The following BIRC6 variants were observed in gnomAD, a reference collection of about 807,000 sequenced individuals.
The protein encoded by BIRC6 is baculoviral IAP repeat containing 6.
A neutral mutation model predicts 503.3 loss-of-function variants in BIRC6; 98 were observed. The observed-to-expected ratio is 0.19, with a 90% CI of 0.17 to 0.23. BIRC6 has a LOEUF of 0.23. BIRC6 is among the 10% of genes least tolerant of loss of function. BIRC6 has a pLI of 1.00. For missense variants in BIRC6, 5,360 were observed against 5,806.0 expected (o/e 0.92, Z 2.50); for synonymous variants, 2,240 against 2,078.7 (o/e 1.08, Z -2.11).
At chr2:32,453,683 A>G in intron 22 of BIRC6, 125 bp from the exon 23 acceptor site, 1 of 869,956 alleles carries the variant, frequency 1.1e-6, no homozygotes, top group Non-Finnish European at 1.8e-6. Context: ...TGATTCAAGC[A>G]CTGTGTAAGA....
Position 32,545,909 on chromosome 2 carries a change from T to C in BIRC6, c.12810+49T>C, listed in dbSNP as rs1453805793. Reference sequence around the variant, plus strand: ...AGTTATTAAAAAAACTAGATTTAATTAGGGAGTACAGAATAAAGTTTTTTT... The same window carrying C: ...AGTTATTAAAAAAACTAGATTTAATCAGGGAGTACAGAATAAAGTTTTTTT... On this transcript the variant is annotated intron_variant, in intron 63 of 73. Coordinates refer to ENST00000421745, the MANE Select transcript of BIRC6 (RefSeq NM_016252.4). 6 of 1,511,820 alleles carry C rather than the reference T, an allele frequency of 4.0e-6. No individual in the cohort carries two copies. In the African/African-American group the frequency reaches 6.9e-5, roughly 17 times the overall value. 93.7% of individuals were successfully genotyped at this position (1,511,820 alleles called of 1,614,324 possible).
At chr2:32,471,217 G>A in intron 32 of BIRC6, 93 bp downstream of exon 32, 1 of 1,488,402 alleles carries the variant, frequency 6.7e-7, no homozygotes, top group Non-Finnish European at 9.1e-7. Flanking sequence ...TTCCAGAACT[G>A]GCTATTGGCC....
intron 5 of BIRC6, among the ~76,000 whole-genome samples, chr2:32,393,610 T>G (rs1202335330): frequency 6.6e-6 from 1 of 152,194 alleles, no homozygotes; most frequent in Non-Finnish European, 1.5e-5. Context: ...CACTGCAGCC[T>G]CAGCTTCCAA....
intron 57 of BIRC6, among the ~76,000 whole-genome samples, chr2:32,520,216 C>G (rs2055501372): frequency 1.3e-5 from 2 of 152,132 alleles, no homozygotes; most frequent in South Asian, 4.1e-4. Context: ...GGAGTTGTTA[C>G]CACACATAGA....
At chr2:32,547,117 A>G (rs2058105483) in intron 63 of BIRC6, among the ~76,000 whole-genome samples, 1 of 152,234 alleles carries the variant, frequency 6.6e-6, no homozygotes, top group South Asian at 2.1e-4. Context: ...TTACAAGCCA[A>G]TTATAAAATG....
At chr2:32,466,444 G>T (rs2048552005) in intron 26 of BIRC6, among the ~76,000 whole-genome samples, 1 of 152,154 alleles carries the variant, frequency 6.6e-6, no homozygotes, top group Non-Finnish European at 1.5e-5. Context: ...TCCATTAGAG[G>T]ACCTTCCCAA....
intron 65 of BIRC6, among the ~76,000 whole-genome samples, chr2:32,570,623 C>T (rs115286646): frequency 2.0e-5 from 3 of 151,554 alleles, no homozygotes; most frequent in African/African-American, 7.3e-5. Flanking sequence ...CTCAGCACCC[C>T]CAAGTAGGTG....
In BIRC6 at chr2:32,481,019, A is replaced by G. The variant is rs146734610; in HGVS notation, c.7409-301A>G. Among the ~76,000 whole-genome samples, 840 of 152,246 alleles carry G rather than the reference A, an allele frequency of 5.5e-3. 12 individuals carry two copies. Among genetic ancestry groups the G allele is most frequent in the African/African-American group, 0.019 (789 of 41,536 alleles). The stretch of plus-strand genomic sequence containing the variant: ...GTAACATTACCTGTAATAATGAATT[A>G]CATGTTAGATGTAATAGAATGTATA... On this transcript the variant is annotated intron_variant, in intron 37 of 73. Coordinates refer to ENST00000421745, the MANE Select transcript of BIRC6 (RefSeq NM_016252.4).
At chr2:32,506,986 AC>A (rs1282462859) in intron 50 of BIRC6, among the ~76,000 whole-genome samples, 6 of 152,138 alleles carry the variant, frequency 3.9e-5, no homozygotes, top group Admixed American at 3.9e-4. Flanking sequence ...TAAAAATAAA[AC>A]CAAATTTCAA....
intron 10 of BIRC6, among the ~76,000 whole-genome samples, chr2:32,420,177 C>T (rs1412623735): frequency 1.1e-4 from 17 of 151,990 alleles, no homozygotes; most frequent in Admixed American, 1.1e-3. Context: ...TTAGTTTTTG[C>T]TTTTTGTAAT....
intron 33 of BIRC6, 126 bp downstream of exon 33, chr2:32,473,365 T>G (rs2049317939): frequency 1.3e-6 from 1 of 749,500 alleles, no homozygotes; most frequent in Non-Finnish European, 2.1e-6. Context: ...GAAAATCATC[T>G]AACACTTTGG....
At position 32,423,901 on chromosome 2, in the gene BIRC6, A is replaced by G. The variant is rs150007947; in HGVS notation, c.2873-5245A>G. Among the ~76,000 whole-genome samples the G allele has an allele frequency of 1.3e-3, 200 of 152,320 alleles. 5 individuals carry two copies. The East Asian group carries it at 0.032, about 25-fold the overall frequency. ...ACTACCTGTCTGTTAGTCACTTAGT[A>G]GCTGTCTTGGTTATCAGATTGTCTG... On this transcript the variant is annotated intron_variant, in intron 10 of 73. Coordinates refer to ENST00000421745, the MANE Select transcript of BIRC6 (RefSeq NM_016252.4).
chr2:32,432,241 C>T (rs559321182), intron 12 of BIRC6, among the ~76,000 whole-genome samples: 3 of 152,228 alleles, frequency 2.0e-5, no homozygotes, highest in East Asian at 1.9e-4. Flanking sequence ...TATGGTGAAA[C>T]GCTGTCTCTA....
chr2:32,580,914 GC>G (rs2060630226), intron 66 of BIRC6, among the ~76,000 whole-genome samples: 1 of 152,162 alleles, frequency 6.6e-6, no homozygotes, highest in Non-Finnish European at 1.5e-5. Flanking sequence ...ATTGGCAACT[GC>G]AGATTTATCT....
chr2:32,421,309 G>A (rs1262744526), intron 10 of BIRC6, among the ~76,000 whole-genome samples: 2 of 151,806 alleles, frequency 1.3e-5, no homozygotes, highest in East Asian at 1.9e-4. Context: ...GTCTCACCAC[G>A]TTGGCCAGGA....
chr2:32,457,863 C>A (rs2047417206), intron 23 of BIRC6, among the ~76,000 whole-genome samples: 1 of 152,022 alleles, frequency 6.6e-6, no homozygotes, highest in Non-Finnish European at 1.5e-5. Flanking sequence ...ATCCAGATTC[C>A]AATATCATTG....
At chr2:32,520,421 C>T (rs1177756066) in intron 57 of BIRC6, among the ~76,000 whole-genome samples, 3 of 152,154 alleles carry the variant, frequency 2.0e-5, no homozygotes, top group South Asian at 4.1e-4. Flanking sequence ...ACTGCCTTAT[C>T]TGTTACAGAG....
chr2:32,378,047 G>T (rs1348876206), intron 2 of BIRC6, among the ~76,000 whole-genome samples: 1 of 152,132 alleles, frequency 6.6e-6, no homozygotes, highest in African/African-American at 2.4e-5. Context: ...AAACAGGATA[G>T]CTTGTTTCCA....
rs2045526569 is a variant in BIRC6 at position 32,442,370 on chromosome 2, C to G, written c.4153C>G (p.Leu1385Val). 1.2e-6 allele frequency: 2 copies of G among 1,612,196 alleles called. No homozygotes were observed. The highest frequency in any genetic ancestry group is 1.3e-5 in the African/African-American group (1 of 74,922). The change falls in exon 19 of 74, where the codon CTG becomes GTG. Residue 1385 changes from leucine to valine, a missense_variant. Around this residue, in one of 16 missense-constraint regions of BIRC6, gnomAD observed 2,299 missense variants for 2,267.2 expected, o/e 1.01. Transcript: ENST00000421745. ...CCTACTTTCAAAAACACGAAAATTTCTGTCAGACATCGTACGTGTTTGCTT... is the reference window on the plus strand; with the variant it reads ...CCTACTTTCAAAAACACGAAAATTTGTGTCAGACATCGTACGTGTTTGCTT... ...ENLLSKTRKF[L>V]SDIVRVCFFE... is the part of the protein sequence containing the mutation.
Sources: allele counts gnomAD v4.1 joint callset (sites outside exome capture counted in the v4.1 genomes callset), GRCh38; gene constraint gnomAD v4.1.1; regional missense constraint gnomAD v4.1.1; transcripts MANE v1.5; gene names NCBI Gene and HGNC (gene_info 2026-07-23, HGNC 2026-07-21).